ZBTB20: variants seen among roughly 807,000 people sequenced by gnomAD.
ZBTB20 encodes zinc finger and BTB domain-containing protein 20.
ZBTB20 carries 9 observed loss-of-function variants against 56.9 expected under a neutral mutation model. The observed-to-expected ratio is 0.16, with a 90% CI of 0.10 to 0.28. ZBTB20 has a LOEUF of 0.28. Ranked by LOEUF, ZBTB20 falls within the 10% of genes least tolerant of loss-of-function variation. The pLI is 1.00. For synonymous variants in ZBTB20, 417 were observed against 420.7 expected, an observed-to-expected ratio of 0.99 and a Z score of 0.11; for missense variants, 655 against 1,003.0, an observed-to-expected ratio of 0.65 and a Z score of 4.69.
intron 1 of ZBTB20, among the ~76,000 whole-genome samples, chr3:115,145,161 T>C (rs1009040736): frequency 1.3e-5 from 2 of 152,212 alleles, no homozygotes; most frequent in Non-Finnish European, 2.9e-5. Context: ...ACTGGAAAGA[T>C]GGCACAGGGA....
In ZBTB20 at chr3:114,846,271, T is replaced by A. The variant is rs911720082; in HGVS notation, c.-416-45097A>T. ...TCACCATACTGATGAGCTTTCCTCC[T>A]CAGAGAGCTTGCTCCTCAGGCCCTC... On this transcript the variant is annotated intron_variant, in intron 4 of 11. Transcript: ENST00000675478. Among the ~76,000 whole-genome samples the A allele has an allele frequency of 8.5e-5, 13 of 152,340 alleles. No homozygotes were observed. The South Asian group carries it at 2.7e-3, about 32-fold the overall frequency.
intron 10 of ZBTB20, among the ~76,000 whole-genome samples, chr3:114,375,175 T>G (rs1169947589): frequency 6.6e-6 from 1 of 152,226 alleles, no homozygotes; most frequent in Non-Finnish European, 1.5e-5. Context: ...GTGTCTGCCT[T>G]AAAGCCTTAC....
chr3:114,624,733 G>C (rs1314594628), intron 6 of ZBTB20: 1 of 153,080 alleles, frequency 6.5e-6, no homozygotes, highest in Admixed American at 6.5e-5. Context: ...GTACGACTGT[G>C]GAGAAGAGGA....
chr3:115,034,230 C>A (rs1027150572), intron 2 of ZBTB20, among the ~76,000 whole-genome samples: 2 of 151,358 alleles, frequency 1.3e-5, no homozygotes, highest in African/African-American at 2.4e-5. Flanking sequence ...CTAGTCAGAG[C>A]AGTTAATTAG....
intron 6 of ZBTB20, among the ~76,000 whole-genome samples, chr3:114,652,479 T>C (rs1187658939): frequency 6.6e-6 from 1 of 152,058 alleles, no homozygotes; most frequent in Non-Finnish European, 1.5e-5. Flanking sequence ...ACAAATCTTT[T>C]TGAGGGCATT....
At chr3:114,792,715 G>T (rs116212384) in intron 5 of ZBTB20, among the ~76,000 whole-genome samples, 120 of 152,164 alleles carry the variant, frequency 7.9e-4, no homozygotes, top group Non-Finnish European at 1.5e-3. Context: ...GGTTATGTTT[G>T]CAGTGGCACC....
At chr3:115,033,745 A>C (rs1233320067) in intron 2 of ZBTB20, among the ~76,000 whole-genome samples, 1 of 151,730 alleles carries the variant, frequency 6.6e-6, no homozygotes. Flanking sequence ...TCCCTGATTG[A>C]TTACATGAGG....
intron 5 of ZBTB20, among the ~76,000 whole-genome samples, chr3:114,773,927 T>C (rs1197840553): frequency 1.3e-5 from 2 of 152,214 alleles, no homozygotes; most frequent in Non-Finnish European, 2.9e-5. Context: ...TCTTCCAAAA[T>C]GAATTTTCTT....
rs565423477 is a variant in ZBTB20, at chr3:114,721,324, AAG to A, written c.-342-27751_-342-27750del. Among the ~76,000 whole-genome samples the A allele has an allele frequency of 4.3e-3, 657 of 152,170 alleles. 6 individuals are homozygous for A. The highest frequency in any genetic ancestry group is 0.014 in the African/African-American group (593 of 41,514). ...GAGAGCATAAAGGTAATGAGAGAGA[AAG>A]AGAGAGAGTGCGAGCTTGTGAGAGC... On this transcript the variant is annotated intron_variant, in intron 5 of 11. Coordinates refer to ENST00000675478, the MANE Select transcript of ZBTB20 (RefSeq NM_001348800.3).
intron 6 of ZBTB20, among the ~76,000 whole-genome samples, chr3:114,523,410 A>T (rs1290495432): frequency 6.6e-6 from 1 of 152,192 alleles, no homozygotes; most frequent in African/African-American, 2.4e-5. Context: ...TGTAATGGAA[A>T]TCAAAGAAAT....
intron 2 of ZBTB20, among the ~76,000 whole-genome samples, chr3:115,059,522 G>T (rs1314094678): frequency 1.3e-5 from 2 of 152,120 alleles, no homozygotes; most frequent in South Asian, 4.1e-4. Context: ...CACCTTTTCA[G>T]CTCTCTGGTT....
intron 2 of ZBTB20, among the ~76,000 whole-genome samples, chr3:115,052,386 G>T (rs1461403166): frequency 6.6e-6 from 1 of 151,978 alleles, no homozygotes; most frequent in Non-Finnish European, 1.5e-5. Context: ...GAACCAGGTA[G>T]TTGGAGGTTG....
At position 114,490,355 on chromosome 3, in the gene ZBTB20, A is replaced by G. The variant is rs182605222; in HGVS notation, c.-255+9997T>C. Among the ~76,000 whole-genome samples, 184 of 151,832 alleles carry G rather than the reference A, an allele frequency of 1.2e-3. 2 individuals carry two copies. In the East Asian group the frequency reaches 0.022, roughly 18 times the overall value. On this transcript the variant is annotated intron_variant, in intron 7 of 11. Transcript: ENST00000675478. ...TCCTGCCTCATCCTCCCGAGTAGCT[A>G]GGATTACAAGCACCCGCCACTATGC...
At chr3:114,545,761 C>A (rs1168021654) in intron 6 of ZBTB20, among the ~76,000 whole-genome samples, 4 of 152,120 alleles carry the variant, frequency 2.6e-5, no homozygotes, top group Non-Finnish European at 5.9e-5. Flanking sequence ...TAGATCTGAA[C>A]CATCTTCATA....
intron 4 of ZBTB20, among the ~76,000 whole-genome samples, chr3:114,822,696 A>G (rs2073321482): frequency 6.6e-6 from 1 of 152,112 alleles, no homozygotes; most frequent in Admixed American, 6.6e-5. Context: ...AATATGTTAC[A>G]TACTATAAAG....
chr3:115,092,266 G>A (rs1209021695), intron 1 of ZBTB20, among the ~76,000 whole-genome samples: 7 of 151,900 alleles, frequency 4.6e-5, no homozygotes, highest in African/African-American at 1.7e-4. Context: ...GTTGTTGTTT[G>A]TTTTTTTCAC....
At chr3:114,416,763 C>T (rs540864355) in intron 7 of ZBTB20, among the ~76,000 whole-genome samples, 124 of 152,118 alleles carry the variant, frequency 8.2e-4, no homozygotes, top group South Asian at 4.6e-3. Flanking sequence ...AAATATGCTC[C>T]GGTTTGAAAC....
intron 5 of ZBTB20, among the ~76,000 whole-genome samples, chr3:114,734,182 A>T (rs867207057): frequency 4.0e-4 from 60 of 151,794 alleles, no homozygotes; most frequent in Middle Eastern, 3.5e-3. Context: ...AATAAATAAA[A>T]AAATAAATAC....
chr3:115,057,511 ATC>A (rs1463139885), intron 2 of ZBTB20, among the ~76,000 whole-genome samples: 1 of 152,162 alleles, frequency 6.6e-6, no homozygotes, highest in Admixed American at 6.5e-5. Context: ...TATGTCAAAC[ATC>A]TTACTACTAT....
Sources: gnomAD v4.1 joint callset for allele counts (sites outside exome capture counted in the v4.1 genomes callset) on GRCh38, gnomAD v4.1.1 for gene constraint, MANE v1.5 for transcripts, NCBI Gene and HGNC (gene_info 2026-07-23, HGNC 2026-07-21) for gene names.